The following KCNQ1 variants were observed in gnomAD, a reference collection of about 807,000 sequenced individuals.
KCNQ1 encodes potassium voltage-gated channel subfamily KQT member 1.
In KCNQ1, 49 loss-of-function variants were observed where a neutral mutation model predicts 72.4. That is an observed-to-expected ratio of 0.68 (90% CI 0.54 to 0.86). KCNQ1 has a LOEUF of 0.86. Ranked by LOEUF, KCNQ1 falls within the 40% of genes least tolerant of loss-of-function variation. The pLI, the probability that KCNQ1 is intolerant of heterozygous loss-of-function variation, is 0.00. For synonymous variants in KCNQ1, 450 were observed against 412.6 expected, an observed-to-expected ratio of 1.09 and a Z score of -1.10; for missense variants, 790 against 945.1, an observed-to-expected ratio of 0.84 and a Z score of 2.15.
chr11:2,842,117 G>C (rs1283456949), intron 15 of KCNQ1, among the ~76,000 whole-genome samples: 1 of 152,190 alleles, frequency 6.6e-6, no homozygotes. Context: ...ACAAGGTTGA[G>C]GATTTGGTCT....
rs1234280168 is a variant in KCNQ1, at chr11:2,543,272, T to C, written c.477+15254T>C. ...GTGGCTTTCCTTTTCATTTATTTAG[T>C]AGTATCTTTTTTTTTTGTTTGAGAC... On this transcript the variant is annotated intron_variant, in intron 2 of 15. Coordinates refer to ENST00000155840, the MANE Select transcript of KCNQ1 (RefSeq NM_000218.3). The surrounding 1 kb of genome is among the most constrained non-coding windows in gnomAD (Gnocchi z 5.6). Among the ~76,000 whole-genome samples, 1 of 152,074 alleles carries C rather than the reference T, an allele frequency of 6.6e-6. No individual in the cohort carries two copies.
At position 2,586,008 on chromosome 11, in the gene KCNQ1, C is replaced by A. The variant is rs557923168; in HGVS notation, c.1128+701C>A. Reference sequence around the variant, plus strand: ...TGGCACAGGAGTCACTTGAGAATTGCGTCCCTGTGGGTCTCTCTTGTTGGC... The same window carrying A: ...TGGCACAGGAGTCACTTGAGAATTGAGTCCCTGTGGGTCTCTCTTGTTGGC... On this transcript the variant is annotated intron_variant, in intron 8 of 15. Coordinates refer to ENST00000155840, the MANE Select transcript of KCNQ1 (RefSeq NM_000218.3). Among the ~76,000 whole-genome samples, 29 of 152,342 alleles carry A rather than the reference C, an allele frequency of 1.9e-4. 2 individuals are homozygous for A. Among genetic ancestry groups the A allele is most frequent in the South Asian group, 1.7e-3 (8 of 4,832 alleles).
At position 2,559,558 on chromosome 11, in the gene KCNQ1, G is replaced by A. The variant is rs373261930; in HGVS notation, c.478-11070G>A. On this transcript the variant is annotated intron_variant, in intron 2 of 15. Transcript: ENST00000155840. This position sits in a 1 kb window ranked among gnomAD's most constrained non-coding sequence, Gnocchi z 4.9. ...AGACGACAGCTGTCACCCACTTGCA[G>A]GGCCCGGCTGCCCGGTGGATGGGAA... Among the ~76,000 whole-genome samples the A allele has an allele frequency of 9.2e-5, 14 of 152,344 alleles. 1 individual carries two copies. The East Asian group carries it at 1.9e-3, about 21-fold the overall frequency.
intron 11 of KCNQ1, among the ~76,000 whole-genome samples, chr11:2,744,722 G>A (rs148316206): frequency 2.0e-5 from 3 of 152,308 alleles, no homozygotes; most frequent in African/African-American, 4.8e-5. Context: ...CCTTGGCCTC[G>A]TCACATGTGC....
chr11:2,671,061 T>A lies in KCNQ1; in HGVS notation c.1514+8980T>A, dbSNP rs1293846289. ...GGGGCTGTATCTGAGGCACACATCCTTGGTAGTGACTGGCTAGCAGGAGGA... is the reference window on the plus strand; with the variant it reads ...GGGGCTGTATCTGAGGCACACATCCATGGTAGTGACTGGCTAGCAGGAGGA... On this transcript the variant is annotated intron_variant, in intron 11 of 15. Coordinates refer to ENST00000155840, the MANE Select transcript of KCNQ1 (RefSeq NM_000218.3). This position sits in a 1 kb window ranked among gnomAD's most constrained non-coding sequence, Gnocchi z 4.7. 1 of 398,640 alleles carries A rather than the reference T, an allele frequency of 2.5e-6. No homozygotes were observed. Among genetic ancestry groups the A allele is most frequent in the Non-Finnish European group, 4.4e-6 (1 of 226,082 alleles). 24.7% of individuals were successfully genotyped at this position (398,640 alleles called of 1,614,324 possible).
chr11:2,682,277 G>C lies in KCNQ1; in HGVS notation c.1514+20196G>C, dbSNP rs1850410819. 1 of 398,362 alleles carries C rather than the reference G, an allele frequency of 2.5e-6. No individual in the cohort carries two copies. The highest frequency in any genetic ancestry group is 1.3e-4 in the South Asian group (1 of 7,848). The allele number at this position is 398,362 out of a possible 1,614,324, so 24.7% of individuals were successfully genotyped here. A position where few individuals can be genotyped will look rare whatever the true frequency, so the allele number is the denominator to read the frequency against. On this transcript the variant is annotated intron_variant, in intron 11 of 15. Coordinates refer to ENST00000155840, the MANE Select transcript of KCNQ1 (RefSeq NM_000218.3). The surrounding 1 kb of genome is among the most constrained non-coding windows in gnomAD (Gnocchi z 5.8). ...AGCCAATTTCTAAAGCTTAAGACTGGGCTGTAAAAAATCACATACCTCCCC... is the reference window on the plus strand; with the variant it reads ...AGCCAATTTCTAAAGCTTAAGACTGCGCTGTAAAAAATCACATACCTCCCC...
intron 12 of KCNQ1, among the ~76,000 whole-genome samples, chr11:2,774,850 C>T (rs1032335425): frequency 1.3e-5 from 2 of 152,164 alleles, no homozygotes; most frequent in African/African-American, 4.8e-5. Context: ...AGACCCAGCC[C>T]GGGCCCTCAA....
chr11:2,571,377 G>A lies in KCNQ1; in HGVS notation c.657G>A (p.Gly219=), dbSNP rs750268771. The change falls in exon 4 of 16, where the codon GGG becomes GGA. Residue 219 remains glycine, a synonymous_variant. Transcript: ENST00000155840. ...TGGTCCTCTGCGTGGGCTCCAAGGG[G>A]CAGGTGTTTGCCACGTCGGCCATCA... ...SMVVLCVGSK[G]QVFATSAIRG... is the part of the protein sequence containing the mutation. The A allele has an allele frequency of 4.3e-6, 7 of 1,612,730 alleles. No homozygotes were observed. In the South Asian group the frequency reaches 5.5e-5, roughly 13 times the overall value.
In KCNQ1 at chr11:2,830,092, G is replaced by A. The variant is rs1172294471; in HGVS notation, c.1795-17675G>A. ...GAGAGAGAAGGAAGAGATTGGCCAAGGAGCTCTGAGAGGGGAAGGTGGGTG... is the reference window on the plus strand; with the variant it reads ...GAGAGAGAAGGAAGAGATTGGCCAAAGAGCTCTGAGAGGGGAAGGTGGGTG... On this transcript the variant is annotated intron_variant, in intron 15 of 15. Transcript: ENST00000155840. This position sits in a 1 kb window ranked among gnomAD's most constrained non-coding sequence, Gnocchi z 7.7. Among the ~76,000 whole-genome samples, 1 of 151,142 alleles carries A rather than the reference G, an allele frequency of 6.6e-6. No individual in the cohort carries two copies. The highest frequency in any genetic ancestry group is 2.4e-5 in the African/African-American group (1 of 41,088).
At chr11:2,618,209 C>A in intron 10 of KCNQ1, 1 of 398,428 alleles carries the variant, frequency 2.5e-6, no homozygotes, top group Admixed American at 4.4e-5. Flanking sequence ...TGGTGTAAGG[C>A]AGCGATATCA....
intron 1 of KCNQ1, among the ~76,000 whole-genome samples, chr11:2,525,221 G>A (rs1056557668): frequency 1.3e-5 from 2 of 152,190 alleles, no homozygotes; most frequent in Non-Finnish European, 2.9e-5. Context: ...TGCAAGGTGA[G>A]CCAGTCTGAG....
At chr11:2,531,044 G>A (rs917521944) in intron 2 of KCNQ1, among the ~76,000 whole-genome samples, 2 of 152,136 alleles carry the variant, frequency 1.3e-5, no homozygotes, top group East Asian at 3.9e-4. Context: ...GCCCAGCCAG[G>A]GCTGTCTGTC....
intron 11 of KCNQ1, among the ~76,000 whole-genome samples, chr11:2,729,654 T>A (rs559357262): frequency 6.6e-6 from 1 of 152,184 alleles, no homozygotes; most frequent in South Asian, 2.1e-4. Context: ...ACGCAGCATT[T>A]GTGTTGTTAG....
intron 11 of KCNQ1, among the ~76,000 whole-genome samples, chr11:2,717,881 C>T (rs1391797377): frequency 6.6e-6 from 1 of 152,230 alleles, no homozygotes; most frequent in African/African-American, 2.4e-5. Flanking sequence ...GCCCCAGGGC[C>T]TCCAGGTTTG....
In KCNQ1 at chr11:2,613,508, G is replaced by T. The variant is rs1849013868; in HGVS notation, c.1393+24654G>T. ...CAAGCCTACCGTGCCCCTGAGCTTG[G>T]GTGGGGAGATGGCAGCCCCACGTTA... is the stretch of plus-strand genomic sequence containing the variant. On this transcript the variant is annotated intron_variant, in intron 10 of 15. Transcript: ENST00000155840. The surrounding 1 kb of genome is among the most constrained non-coding windows in gnomAD (Gnocchi z 4.8). The T allele has an allele frequency of 2.5e-6, 1 of 398,312 alleles. No individual in the cohort carries two copies. The highest frequency in any genetic ancestry group is 4.4e-5 in the Admixed American group (1 of 22,686). 24.7% of individuals were successfully genotyped at this position (398,312 alleles called of 1,614,324 possible). A position where few individuals can be genotyped will look rare whatever the true frequency, so the allele number is the denominator to read the frequency against.
rs796384385 is a variant in KCNQ1, at chr11:2,803,165, C to CCCCCA, written c.1794+25128_1794+25129insCCCCA. On this transcript the variant is annotated intron_variant, in intron 15 of 15. Coordinates refer to ENST00000155840, the MANE Select transcript of KCNQ1 (RefSeq NM_000218.3). This position sits in a 1 kb window ranked among gnomAD's most constrained non-coding sequence, Gnocchi z 6.4. ...GAAAACCCAGCCGGGCCCCCCCCCC[C>CCCCCA]ACGGGCACCCAGGAACCGCCCTGGC... 2.0e-5 allele frequency among the ~76,000 whole-genome samples: 3 copies of CCCCCA among 152,040 alleles called. No individual in the cohort carries two copies. The highest frequency in any genetic ancestry group is 1.3e-4 in the Admixed American group (2 of 15,304).
chr11:2,646,618 G>A (rs996759656), intron 10 of KCNQ1: 42 of 398,434 alleles, frequency 1.1e-4, no homozygotes, highest in Non-Finnish European at 1.1e-4. Context: ...CTTCACCTCC[G>A]AGGTTCAAGT....
At chr11:2,631,872 T>G in intron 10 of KCNQ1, 1 of 398,330 alleles carries the variant, frequency 2.5e-6, no homozygotes, top group East Asian at 3.6e-5. Flanking sequence ...TCAGATTGTT[T>G]GTGATTAATG....
intron 15 of KCNQ1, among the ~76,000 whole-genome samples, chr11:2,810,430 A>G (rs1847463899): frequency 6.6e-6 from 1 of 152,154 alleles, no homozygotes; most frequent in South Asian, 2.1e-4. Flanking sequence ...TGACACTTTG[A>G]TGTCTCAACT....
Sources: gnomAD v4.1 joint callset for allele counts (sites outside exome capture counted in the v4.1 genomes callset) on GRCh38, gnomAD v4.1.1 for gene constraint, Gnocchi (gnomAD v3.1) non-coding constraint, MANE v1.5 for transcripts, NCBI Gene and HGNC (gene_info 2026-07-23, HGNC 2026-07-21) for gene names.